The following KYNU variants were observed in gnomAD, a reference collection of about 807,000 sequenced individuals.
KYNU encodes the protein L-kynurenine hydrolase.
Under a neutral mutation model 59.2 loss-of-function variants are expected in KYNU, and 54 were observed. That is an observed-to-expected ratio of 0.91 (90% CI 0.73 to 1.14). The LOEUF is 1.14. Among genes scored for constraint, KYNU ranks in the 50% most tolerant of loss-of-function variants. KYNU has a pLI of 0.00. For missense variants in KYNU, 567 were observed against 554.4 expected (o/e 1.02, Z -0.23); for synonymous variants, 177 against 192.0 (o/e 0.92, Z 0.65).
chr2:143,003,458 C>G (rs1226946843), intron 10 of KYNU, among the ~76,000 whole-genome samples: 2 of 152,070 alleles, frequency 1.3e-5, no homozygotes, highest in African/African-American at 4.8e-5. Flanking sequence ...TGGCGGGCAC[C>G]TATAATCCCC....
intron 2 of KYNU, among the ~76,000 whole-genome samples, chr2:142,890,144 A>AGT (rs1681666043): frequency 6.6e-6 from 1 of 152,104 alleles, no homozygotes; most frequent in Non-Finnish European, 1.5e-5. Context: ...GAAGAGAGAG[A>AGT]GAGAAGGAAA....
intron 10 of KYNU, chr2:142,988,947 A>T: frequency 1.4e-6 from 2 of 1,453,522 alleles, no homozygotes; most frequent in Non-Finnish European, 1.9e-6. Context: ...TAGGAAAAGA[A>T]ATGTTTTGCT....
intron 2 of KYNU, among the ~76,000 whole-genome samples, chr2:142,894,036 C>T (rs574215444): frequency 4.3e-4 from 66 of 152,298 alleles, no homozygotes; most frequent in African/African-American, 1.5e-3. Flanking sequence ...TTGGTCTTTT[C>T]TGTCTTGCCA....
intron 1 of KYNU, among the ~76,000 whole-genome samples, chr2:142,879,156 C>A (rs1040245665): frequency 6.6e-6 from 1 of 152,154 alleles, no homozygotes; most frequent in African/African-American, 2.4e-5. Context: ...GTCTTAGCTG[C>A]TGGGGTGAAT....
At chr2:142,982,135 T>C (rs1255164964) in intron 8 of KYNU, among the ~76,000 whole-genome samples, 1 of 152,126 alleles carries the variant, frequency 6.6e-6, no homozygotes, top group African/African-American at 2.4e-5. Context: ...TTAATTCCAT[T>C]GAGAGTTGTG....
intron 8 of KYNU, among the ~76,000 whole-genome samples, chr2:142,966,324 A>G (rs1684531787): frequency 1.3e-5 from 2 of 152,194 alleles, no homozygotes; most frequent in South Asian, 2.1e-4. Flanking sequence ...CAAAAGATTC[A>G]TGGTTGTGTC....
At chr2:142,930,658 G>A (rs1683179191) in intron 4 of KYNU, among the ~76,000 whole-genome samples, 1 of 152,052 alleles carries the variant, frequency 6.6e-6, no homozygotes, top group African/African-American at 2.4e-5. Context: ...TCTCTCACAC[G>A]TCTTATAAGG....
chr2:143,029,559 C>CTAGG, intron 10 of KYNU, 68 bp from the exon 11 acceptor site: 1 of 965,994 alleles, frequency 1.0e-6, no homozygotes, highest in Non-Finnish European at 1.7e-6. Flanking sequence ...GCACTCCAGC[C>CTAGG]TAGGCAGCAG....
chr2:143,016,562 A>ATT (rs1686251512), intron 10 of KYNU, among the ~76,000 whole-genome samples: 2 of 151,924 alleles, frequency 1.3e-5, no homozygotes, highest in Non-Finnish European at 2.9e-5. Flanking sequence ...CTGTGTCAAA[A>ATT]TTTTTTTCTC....
intron 10 of KYNU, among the ~76,000 whole-genome samples, chr2:143,006,991 G>A (rs1685927975): frequency 6.6e-6 from 1 of 152,154 alleles, no homozygotes; most frequent in East Asian, 1.9e-4. Context: ...ACTCTAAAAC[G>A]CAGAGCGTCT....
rs1687203362 is a variant in KYNU at position 143,048,336 on chromosome 2, T to A, written c.*6164T>A. The A allele has an allele frequency of 6.6e-6, 1 of 152,186 alleles. No individual in the cohort carries two copies. Among genetic ancestry groups the A allele is most frequent in the South Asian group, 2.1e-4 (1 of 4,836 alleles). 9.4% of individuals were successfully genotyped at this position (152,186 alleles called of 1,614,324 possible). On this transcript the variant is annotated 3_prime_UTR_variant, in exon 14 of 14. Transcript: ENST00000264170. ...ATATAATGAAGTTTAGAATTAGCCATTTTTTATAACTCTCCTTCTGACTAG... is the reference window on the plus strand; with the variant it reads ...ATATAATGAAGTTTAGAATTAGCCAATTTTTATAACTCTCCTTCTGACTAG...
chr2:143,015,670 T>G (rs980082233), intron 10 of KYNU, among the ~76,000 whole-genome samples: 1 of 152,072 alleles, frequency 6.6e-6, no homozygotes, highest in African/African-American at 2.4e-5. Context: ...GTTCTGTTTA[T>G]GGAGATGAAG....
At chr2:142,968,398 A>AAGCAGACCTTTG (rs1382161753) in intron 8 of KYNU, among the ~76,000 whole-genome samples, 1 of 152,172 alleles carries the variant, frequency 6.6e-6, no homozygotes, top group African/African-American at 2.4e-5. Flanking sequence ...AGGGAGGACA[A>AAGCAGACCTTTG]GTCTATAAAG....
chr2:142,990,280 T>C (rs1375614069), intron 10 of KYNU, among the ~76,000 whole-genome samples: 1 of 151,908 alleles, frequency 6.6e-6, no homozygotes, highest in Non-Finnish European at 1.5e-5. Flanking sequence ...GAACTACTCT[T>C]AATTGTACAA....
At position 142,959,644 on chromosome 2, in the gene KYNU, G is replaced by T. The variant is rs116230371; in HGVS notation, c.583-980G>T. On this transcript the variant is annotated intron_variant, in intron 7 of 13. Coordinates refer to ENST00000264170, the MANE Select transcript of KYNU (RefSeq NM_003937.3). ...TTGCTAGGATACAGGATACACATAGGTACTTTGTATTTAACTAATTTTTTT... is the reference window on the plus strand; with the variant it reads ...TTGCTAGGATACAGGATACACATAGTTACTTTGTATTTAACTAATTTTTTT... Among the ~76,000 whole-genome samples, 816 of 152,066 alleles carry T rather than the reference G, an allele frequency of 5.4e-3. 6 individuals carry two copies. Among genetic ancestry groups the T allele is most frequent in the African/African-American group, 0.019 (779 of 41,494 alleles).
intron 4 of KYNU, among the ~76,000 whole-genome samples, chr2:142,943,409 G>A (rs1683664191): frequency 6.8e-6 from 1 of 146,028 alleles, no homozygotes; most frequent in Admixed American, 6.7e-5. Context: ...TGTGGATAGA[G>A]AAGAGAAAGA....
intron 2 of KYNU, among the ~76,000 whole-genome samples, chr2:142,907,733 CCTT>C: frequency 6.6e-6 from 1 of 152,338 alleles, no homozygotes; most frequent in South Asian, 2.1e-4. Flanking sequence ...TTCTTTACCT[CCTT>C]CTTTTAGCCT....
intron 4 of KYNU, among the ~76,000 whole-genome samples, chr2:142,939,429 CTG>C (rs1334549627): frequency 6.6e-6 from 1 of 151,640 alleles, no homozygotes; most frequent in African/African-American, 2.4e-5. Context: ...TGGTGAAACG[CTG>C]TCTCTACTAA....
intron 8 of KYNU, among the ~76,000 whole-genome samples, chr2:142,970,717 A>G (rs145695512): frequency 1.6e-4 from 24 of 152,302 alleles, no homozygotes; most frequent in Middle Eastern, 3.4e-3. Context: ...CCACAGGATG[A>G]CCATTGTTCC....
Sources: allele counts gnomAD v4.1 joint callset (sites outside exome capture counted in the v4.1 genomes callset), GRCh38; gene constraint gnomAD v4.1.1; transcripts MANE v1.5; gene names NCBI Gene and HGNC (gene_info 2026-07-23, HGNC 2026-07-21).